The following SPATA6 variants were observed in gnomAD, a reference collection of about 807,000 sequenced individuals.
SPATA6 encodes the protein spermatogenesis-associated protein 6.
Under a neutral mutation model 65.3 loss-of-function variants are expected in SPATA6, and 56 were observed. The observed-to-expected ratio is 0.86, with a 90% confidence interval of 0.69 to 1.07. The LOEUF (loss-of-function observed/expected upper bound fraction) is 1.07. Among genes scored for constraint, SPATA6 ranks in the 50% least tolerant of loss-of-function variants. The pLI is 0.00. For missense variants in SPATA6, 590 were observed against 594.8 expected (o/e 0.99, Z 0.08); for synonymous variants, 199 against 213.2 (o/e 0.93, Z 0.58).
chr1:48,456,032 C>A (rs1656975111), intron 1 of SPATA6, among the ~76,000 whole-genome samples: 1 of 152,140 alleles, frequency 6.6e-6, no homozygotes, highest in African/African-American at 2.4e-5. Flanking sequence ...GAAGAGCATG[C>A]ACATGTGCAA....
intron 1 of SPATA6, among the ~76,000 whole-genome samples, chr1:48,460,342 A>C (rs1215024655): frequency 1.3e-5 from 2 of 152,210 alleles, no homozygotes; most frequent in Non-Finnish European, 2.9e-5. Flanking sequence ...GTTTGGAAAA[A>C]AAGCATTTGA....
At chr1:48,459,061 T>C (rs1657219077) in intron 1 of SPATA6, among the ~76,000 whole-genome samples, 1 of 151,564 alleles carries the variant, frequency 6.6e-6, no homozygotes, top group Non-Finnish European at 1.5e-5. Context: ...AAAAATTAAC[T>C]GGGCGTGGTG....
At chr1:48,374,311 T>TA (rs776265583) in intron 9 of SPATA6, among the ~76,000 whole-genome samples, 9,817 of 139,256 alleles carry the variant, frequency 0.07, 431 homozygotes, top group African/African-American at 0.12. Flanking sequence ...TGTAATTTTA[T>TA]AAAAAAAAAA....
intron 1 of SPATA6, among the ~76,000 whole-genome samples, chr1:48,458,437 T>G (rs557715589): frequency 8.5e-5 from 13 of 152,310 alleles, no homozygotes; most frequent in Middle Eastern, 3.4e-3. Context: ...CAAGGCCAGA[T>G]GTAGCCACTC....
intron 11 of SPATA6, among the ~76,000 whole-genome samples, chr1:48,312,199 A>G (rs1645237699): frequency 3.3e-5 from 5 of 152,204 alleles, no homozygotes; most frequent in Admixed American, 3.3e-4. Flanking sequence ...TCCCTGTCTG[A>G]CATCTTTGAA....
At chr1:48,394,414 C>CT (rs1650378617) in intron 8 of SPATA6, among the ~76,000 whole-genome samples, 1 of 152,098 alleles carries the variant, frequency 6.6e-6, no homozygotes, top group Non-Finnish European at 1.5e-5. Context: ...CCATAAACTT[C>CT]TTCCAAGAGA....
At position 48,323,500 on chromosome 1, in the gene SPATA6, T is replaced by C. The variant is rs34681246; in HGVS notation, c.1195-17622A>G. Among the ~76,000 whole-genome samples, 440 of 151,972 alleles carry C rather than the reference T, an allele frequency of 2.9e-3. 3 individuals carry two copies. The highest frequency in any genetic ancestry group is 3.8e-3 in the Non-Finnish European group (258 of 67,980). ...AGTTGATGGGTGCAGCAAACCAACA[T>C]TGCACATGTATACTGATGTTAAAAA... On this transcript the variant is annotated intron_variant, in intron 11 of 12. Transcript: ENST00000371847.
At chr1:48,321,817 G>C (rs1645606939) in intron 11 of SPATA6, among the ~76,000 whole-genome samples, 1 of 152,068 alleles carries the variant, frequency 6.6e-6, no homozygotes, top group Non-Finnish European at 1.5e-5. Flanking sequence ...TGTCTTCTCT[G>C]ACCACAATGG....
intron 3 of SPATA6, chr1:48,436,434 G>A: frequency 1.9e-6 from 3 of 1,607,548 alleles, no homozygotes; most frequent in South Asian, 1.1e-5. Context: ...CTGAAGGAAT[G>A]AGTGAAACTT....
chr1:48,416,450 T>A (rs1652794514), intron 3 of SPATA6, among the ~76,000 whole-genome samples: 1 of 152,112 alleles, frequency 6.6e-6, no homozygotes, highest in Non-Finnish European at 1.5e-5. Context: ...TAGGAAAAAG[T>A]GAATACTCAC....
At chr1:48,349,554 G>C (rs901681550) in intron 11 of SPATA6, among the ~76,000 whole-genome samples, 8 of 151,718 alleles carry the variant, frequency 5.3e-5, no homozygotes, top group African/African-American at 1.9e-4. Context: ...ACATATCTAT[G>C]AGTTTTGACA....
intron 7 of SPATA6, among the ~76,000 whole-genome samples, chr1:48,396,837 T>C (rs1272496057): frequency 6.6e-6 from 1 of 151,466 alleles, no homozygotes; most frequent in African/African-American, 2.4e-5. Flanking sequence ...GTTCTAGAGA[T>C]AGATGGTGGT....
chr1:48,330,216 G>T (rs1029590857), intron 11 of SPATA6, among the ~76,000 whole-genome samples: 2 of 152,160 alleles, frequency 1.3e-5, no homozygotes, highest in African/African-American at 4.8e-5. Flanking sequence ...CCAGCCCAGA[G>T]GTCCCACTTT....
chr1:48,453,271 C>G, intron 1 of SPATA6, 140 bp from the exon 2 acceptor site: 1 of 939,844 alleles, frequency 1.1e-6, no homozygotes, highest in South Asian at 1.9e-5. Context: ...GAGAGAGAGA[C>G]AGAGACTAGT....
intron 8 of SPATA6, among the ~76,000 whole-genome samples, chr1:48,390,399 G>A (rs1387556367): frequency 6.6e-6 from 1 of 152,188 alleles, no homozygotes; most frequent in Admixed American, 6.5e-5. Context: ...CGATACTAGA[G>A]GCTGGGAAGG....
the SPATA6 span, among the ~76,000 whole-genome samples, chr1:48,289,048 T>A: frequency 0.02 from 2,989 of 152,090 alleles, 120 homozygotes; most frequent in East Asian, 0.2. Context: ...GACTGCCACC[T>A]CAAGTGGGTT....
At chr1:48,302,936 T>A (rs755286609) in intron 12 of SPATA6, among the ~76,000 whole-genome samples, 6 of 151,964 alleles carry the variant, frequency 3.9e-5, no homozygotes, top group Non-Finnish European at 7.4e-5. Flanking sequence ...CCATTATTGT[T>A]TCTGTTAATG....
intron 11 of SPATA6, among the ~76,000 whole-genome samples, chr1:48,324,376 C>A (rs1004254451): frequency 3.9e-5 from 6 of 152,078 alleles, no homozygotes; most frequent in Admixed American, 3.9e-4. Flanking sequence ...CAAAACCAGA[C>A]AAAGACACAT....
At chr1:48,363,134 G>C (rs1381039590) in intron 9 of SPATA6, among the ~76,000 whole-genome samples, 1 of 152,166 alleles carries the variant, frequency 6.6e-6, no homozygotes, top group Non-Finnish European at 1.5e-5. Flanking sequence ...CATGGAATTA[G>C]AGTATATGTT....
Sources: allele counts gnomAD v4.1 joint callset (sites outside exome capture counted in the v4.1 genomes callset), GRCh38; gene constraint gnomAD v4.1.1; transcripts MANE v1.5; gene names NCBI Gene and HGNC (gene_info 2026-07-23, HGNC 2026-07-21).